Variants in FBXL17 observed in about 807,000 individuals in gnomAD.
FBXL17 encodes the protein F-box/LRR-repeat protein 17.
FBXL17 carries 22 observed loss-of-function variants against 66.2 expected under a neutral mutation model. The ratio of observed to expected loss-of-function variants is 0.33; its 90% CI spans 0.24 to 0.47. FBXL17 has a LOEUF of 0.47. Among genes scored for constraint, FBXL17 ranks in the 20% least tolerant of loss-of-function variants. FBXL17 has a pLI of 1.00. For synonymous variants in FBXL17, 474 were observed against 400.5 expected, an observed-to-expected ratio of 1.18 and a Z score of -2.19; for missense variants, 878 against 948.2, an observed-to-expected ratio of 0.93 and a Z score of 0.97.
At chr5:107,862,651 T>A (rs1748158982) in intron 8 of FBXL17, among the ~76,000 whole-genome samples, 1 of 152,216 alleles carries the variant, frequency 6.6e-6, no homozygotes, top group Non-Finnish European at 1.5e-5. Flanking sequence ...GTAGCTTTAT[T>A]TAAAATCTTT....
At chr5:108,264,214 CAAAA>C (rs35346820) in intron 4 of FBXL17, among the ~76,000 whole-genome samples, 10 of 55,504 alleles carry the variant, frequency 1.8e-4, no homozygotes, top group Admixed American at 2.6e-4. Flanking sequence ...GACTCTTTCT[CAAAA>C]AAAAAAAAAA....
chr5:107,867,765 G>C (rs1463813493), intron 8 of FBXL17, among the ~76,000 whole-genome samples: 1 of 152,032 alleles, frequency 6.6e-6, no homozygotes, highest in African/African-American at 2.4e-5. Context: ...ATCTTTTTTT[G>C]GTTGGTTCTG....
At chr5:108,316,064 T>A (rs1183028815) in intron 4 of FBXL17, among the ~76,000 whole-genome samples, 5 of 151,424 alleles carry the variant, frequency 3.3e-5, no homozygotes, top group Non-Finnish European at 7.4e-5. Context: ...TAAAATCTCT[T>A]TGAATGAGGC....
intron 2 of FBXL17, among the ~76,000 whole-genome samples, chr5:108,366,439 A>C (rs1472864511): frequency 6.6e-6 from 1 of 151,968 alleles, no homozygotes. Flanking sequence ...CAAAGATAAA[A>C]CTATCTTCGT....
intron 6 of FBXL17, among the ~76,000 whole-genome samples, chr5:108,139,339 T>C (rs757620914): frequency 6.6e-6 from 1 of 152,214 alleles, no homozygotes; most frequent in Non-Finnish European, 1.5e-5. Context: ...CAGTCTATTG[T>C]CATATACAAA....
At chr5:108,285,189 C>A (rs1402812388) in intron 4 of FBXL17, among the ~76,000 whole-genome samples, 1 of 151,858 alleles carries the variant, frequency 6.6e-6, no homozygotes, top group African/African-American at 2.4e-5. Context: ...AATTCTAGTT[C>A]TCTTGCTATT....
At chr5:108,318,373 T>TA (rs143150324) in intron 4 of FBXL17, among the ~76,000 whole-genome samples, 21,033 of 151,706 alleles carry the variant, frequency 0.14, 1,554 homozygotes, top group Middle Eastern at 0.18. Context: ...TACACTGTGC[T>TA]ATATGTTACT....
chr5:108,040,085 C>T (rs1458680436), intron 6 of FBXL17, among the ~76,000 whole-genome samples: 4 of 152,070 alleles, frequency 2.6e-5, no homozygotes, highest in Non-Finnish European at 5.9e-5. Context: ...TAGATTTTGG[C>T]TTGACAATAA....
At chr5:108,169,809 T>G (rs1752540474) in intron 6 of FBXL17, among the ~76,000 whole-genome samples, 1 of 152,184 alleles carries the variant, frequency 6.6e-6, no homozygotes, top group African/African-American at 2.4e-5. Context: ...TTCTTTTATC[T>G]TACCTTGAAC....
At chr5:108,063,681 T>C (rs1046018811) in intron 6 of FBXL17, among the ~76,000 whole-genome samples, 19 of 151,428 alleles carry the variant, frequency 1.3e-4, no homozygotes, top group Admixed American at 1.0e-3. Context: ...AAATCTTCCT[T>C]ATGTTTAAAA....
chr5:108,236,508 G>A (rs1333836986), intron 4 of FBXL17, among the ~76,000 whole-genome samples: 2 of 150,492 alleles, frequency 1.3e-5, no homozygotes, highest in Non-Finnish European at 3.0e-5. Flanking sequence ...GCAAGACTCT[G>A]TCTAAAAAAA....
At chr5:108,027,841 C>G (rs10515384) in intron 6 of FBXL17, among the ~76,000 whole-genome samples, 18,008 of 152,032 alleles carry the variant, frequency 0.12, 1,364 homozygotes, top group East Asian at 0.17. Context: ...TTTATTCATT[C>G]TTCGGTAGAA....
chr5:108,373,724 T>C (rs1749220872), intron 1 of FBXL17, among the ~76,000 whole-genome samples: 1 of 152,062 alleles, frequency 6.6e-6, no homozygotes, highest in African/African-American at 2.4e-5. Context: ...AAGACCAGCC[T>C]GGGCAACATG....
chr5:108,166,581 T>C (rs1417831505), intron 6 of FBXL17, among the ~76,000 whole-genome samples: 2 of 152,200 alleles, frequency 1.3e-5, no homozygotes, highest in Admixed American at 1.3e-4. Context: ...TGATTTGATA[T>C]GTTAACAAAG....
chr5:108,220,307 G>C (rs1008072107), intron 5 of FBXL17, among the ~76,000 whole-genome samples: 1 of 151,850 alleles, frequency 6.6e-6, no homozygotes, highest in African/African-American at 2.4e-5. Context: ...GTTCTGTTTT[G>C]TCAACTCAGA....
At chr5:108,380,630 G>C (rs960544236) in intron 1 of FBXL17, 69 bp downstream of exon 1, 1 of 993,936 alleles carries the variant, frequency 1.0e-6, no homozygotes, top group African/African-American at 1.7e-5. Context: ...GGAGGAGAGA[G>C]AAAGCCTCGG....
Position 107,861,493 on chromosome 5 carries a change from T to A in FBXL17, c.*227A>T. 5.7e-6 allele frequency: 2 copies of A among 353,494 alleles called. No individual in the cohort carries two copies. The highest frequency in any genetic ancestry group is 9.9e-6 in the Non-Finnish European group (2 of 201,510). The allele number at this position is 353,494 out of a possible 1,614,324, so 21.9% of individuals were successfully genotyped here. A position where few individuals can be genotyped will look rare whatever the true frequency, so the allele number is the denominator to read the frequency against. ...GCCTTTGAAGTTAAAAACTAAAAAG[T>A]TTGTGGCTTTCATAATCTTTAATTT... is the stretch of plus-strand genomic sequence containing the variant. On this transcript the variant is annotated 3_prime_UTR_variant, in exon 9 of 9. Transcript: ENST00000542267.
chr5:108,309,845 G>C (rs1027678708), intron 4 of FBXL17, among the ~76,000 whole-genome samples: 7 of 151,890 alleles, frequency 4.6e-5, no homozygotes, highest in Non-Finnish European at 1.0e-4. Context: ...TACTGATTTT[G>C]TAATTCGAAA....
chr5:108,191,346 C>A (rs554822101), intron 5 of FBXL17, among the ~76,000 whole-genome samples: 1 of 152,292 alleles, frequency 6.6e-6, no homozygotes, highest in South Asian at 2.1e-4. Flanking sequence ...CTCTCCATCA[C>A]AACAGTTTAA....
Sources: allele counts gnomAD v4.1 joint callset (sites outside exome capture counted in the v4.1 genomes callset), GRCh38; gene constraint gnomAD v4.1.1; transcripts MANE v1.5; gene names NCBI Gene and HGNC (gene_info 2026-07-23, HGNC 2026-07-21).